Variants in ASIC2 observed in about 807,000 individuals in gnomAD.
ASIC2 encodes the protein acid sensing ion channel subunit 2.
ASIC2 carries 25 observed loss-of-function variants against 57.3 expected under a neutral mutation model. That is an observed-to-expected ratio of 0.44 (90% CI 0.32 to 0.61). ASIC2 has a LOEUF of 0.61. ASIC2 is among the 20% of genes least tolerant of loss of function. ASIC2 has a pLI of 0.06. For missense variants in ASIC2, 641 were observed against 738.1 expected (o/e 0.87, Z 1.52); for synonymous variants, 319 against 307.5 (o/e 1.04, Z -0.39).
chr17:33,096,223 C>G (rs1419521002), intron 2 of ASIC2, among the ~76,000 whole-genome samples: 1 of 152,168 alleles, frequency 6.6e-6, no homozygotes, highest in Non-Finnish European at 1.5e-5. Context: ...TTCATAGAAG[C>G]AGAAAGGAAC....
At chr17:34,125,267 C>A (rs1396844100) in intron 1 of ASIC2, among the ~76,000 whole-genome samples, 1 of 151,998 alleles carries the variant, frequency 6.6e-6, no homozygotes, top group Non-Finnish European at 1.5e-5. Context: ...TTAGTTTATC[C>A]CAGGCACCCA....
chr17:34,077,236 G>C (rs1909702404), intron 1 of ASIC2, among the ~76,000 whole-genome samples: 1 of 152,152 alleles, frequency 6.6e-6, no homozygotes, highest in Non-Finnish European at 1.5e-5. Context: ...ACTGTGTGTA[G>C]CTGTGCTTTC....
chr17:34,017,528 G>A (rs1357714849), intron 1 of ASIC2, among the ~76,000 whole-genome samples: 1 of 152,240 alleles, frequency 6.6e-6, no homozygotes, highest in Non-Finnish European at 1.5e-5. Flanking sequence ...AGGAAGGCAT[G>A]CTGAAAGCCA....
chr17:33,118,714 T>A (rs1403421777), intron 1 of ASIC2, among the ~76,000 whole-genome samples: 1 of 152,190 alleles, frequency 6.6e-6, no homozygotes, highest in Non-Finnish European at 1.5e-5. Flanking sequence ...AAATGACTTG[T>A]CCCAGGTCAC....
intron 1 of ASIC2, among the ~76,000 whole-genome samples, chr17:33,259,636 A>G (rs114231552): frequency 1.1e-3 from 160 of 152,294 alleles, no homozygotes; most frequent in African/African-American, 3.8e-3. Flanking sequence ...AGAGAGTGAC[A>G]GCCTGAAGAC....
chr17:33,380,265 A>AAG lies in ASIC2; in HGVS notation c.556-268199_556-268198insCT, dbSNP rs1555603557. On this transcript the variant is annotated intron_variant, in intron 1 of 9. Coordinates refer to the ASIC2 transcript ENST00000359872. Reference sequence around the variant, plus strand: ...TGTCTCAAAAAAAAAAAAAAAAAAAAAAAGAAAGAAAGAAAGAAAGAAAAA... The same window carrying AAG: ...TGTCTCAAAAAAAAAAAAAAAAAAAAAGAAAGAAAGAAAGAAAGAAAGAAAAA... Among the ~76,000 whole-genome samples, 111 of 130,188 alleles carry AAG rather than the reference A, an allele frequency of 8.5e-4. 1 individual carries two copies. The highest frequency in any genetic ancestry group is 3.1e-3 in the African/African-American group (90 of 28,752). The allele number at this position is 130,188 out of a possible 152,430, so 85.4% of individuals were successfully genotyped here.
intron 1 of ASIC2, among the ~76,000 whole-genome samples, chr17:33,911,838 G>A (rs996705576): frequency 2.6e-5 from 4 of 152,048 alleles, no homozygotes; most frequent in Admixed American, 6.6e-5. Context: ...GCAGTGGATC[G>A]GCTGGGCACG....
At chr17:33,263,896 G>A (rs1042177377) in intron 1 of ASIC2, among the ~76,000 whole-genome samples, 1 of 152,198 alleles carries the variant, frequency 6.6e-6, no homozygotes, top group Non-Finnish European at 1.5e-5. Flanking sequence ...TACCGGCTAA[G>A]TATCAATAGG....
At chr17:33,705,271 T>G (rs1309063275) in intron 1 of ASIC2, among the ~76,000 whole-genome samples, 2 of 152,228 alleles carry the variant, frequency 1.3e-5, no homozygotes, top group African/African-American at 4.8e-5. Context: ...CAGTAAAAAA[T>G]TGGTACATAT....
chr17:33,753,341 G>A (rs1256626625), intron 1 of ASIC2, among the ~76,000 whole-genome samples: 4 of 152,098 alleles, frequency 2.6e-5, no homozygotes, highest in African/African-American at 9.7e-5. Flanking sequence ...TTGGGGGTGG[G>A]AGTCTTTTTG....
At chr17:33,481,530 G>A (rs928741575) in intron 1 of ASIC2, among the ~76,000 whole-genome samples, 1 of 148,506 alleles carries the variant, frequency 6.7e-6, no homozygotes, top group Non-Finnish European at 1.5e-5. Context: ...ACAAGAAAGA[G>A]TCCACAAATC....
chr17:33,112,189 C>G, intron 1 of ASIC2, 122 bp from the exon 2 acceptor site: 1 of 1,222,494 alleles, frequency 8.2e-7, no homozygotes, highest in Non-Finnish European at 1.1e-6. Flanking sequence ...ATCACCATCA[C>G]CGCTCTCAGG....
chr17:33,506,452 A>G (rs1914266184), intron 1 of ASIC2, among the ~76,000 whole-genome samples: 1 of 151,424 alleles, frequency 6.6e-6, no homozygotes, highest in Non-Finnish European at 1.5e-5. Context: ...CTAAGTCATT[A>G]GGGTGTGTGA....
At chr17:33,066,027 C>G (rs376209672) in intron 3 of ASIC2, among the ~76,000 whole-genome samples, 4 of 152,212 alleles carry the variant, frequency 2.6e-5, no homozygotes, top group African/African-American at 9.6e-5. Flanking sequence ...CAGAAAGGCT[C>G]TCTTTGACCA....
chr17:33,478,815 T>A (rs1340944181), intron 1 of ASIC2, among the ~76,000 whole-genome samples: 1 of 152,176 alleles, frequency 6.6e-6, no homozygotes, highest in African/African-American at 2.4e-5. Context: ...ATTAAAATCT[T>A]TGTTTTTACT....
rs569375904 is a variant in ASIC2, at chr17:34,021,625, C to G, written c.555+134353G>C. On this transcript the variant is annotated intron_variant, in intron 1 of 9. Transcript: ENST00000359872. ...CTGCTATTTCTGTCATCTCTCTCCC[C>G]CTTCCTCTAAACATGGATCAGATCC... Among the ~76,000 whole-genome samples, 7 of 152,244 alleles carry G rather than the reference C, an allele frequency of 4.6e-5. 1 individual carries two copies. Among genetic ancestry groups the G allele is most frequent in the South Asian group, 4.2e-4 (2 of 4,816 alleles).
In ASIC2 at chr17:34,022,200, C is replaced by T. The variant is rs146791795; in HGVS notation, c.555+133778G>A. ...GCTTTATTACTAAGACTCCTCTCTA[C>T]CTCTGGTCAGTTTCTGCTGTGCCTA... On this transcript the variant is annotated intron_variant, in intron 1 of 9. Coordinates refer to the ASIC2 transcript ENST00000359872. 3.4e-3 allele frequency among the ~76,000 whole-genome samples: 517 copies of T among 152,274 alleles called. 2 individuals are homozygous for T. The highest frequency in any genetic ancestry group is 0.011 in the African/African-American group (469 of 41,554).
Position 33,263,079 on chromosome 17 carries a change from C to T in ASIC2, c.708+28329G>A, listed in dbSNP as rs965664708. Among the ~76,000 whole-genome samples, 3 of 152,210 alleles carry T rather than the reference C, an allele frequency of 2.0e-5. No homozygotes were observed. In the East Asian group the frequency reaches 5.8e-4, roughly 29 times the overall value. ...CTTCATTCATTAACTGGACTGTGAGCTCCCTGAGGGAAGGGCATCTGTTTG... is the reference window on the plus strand; with the variant it reads ...CTTCATTCATTAACTGGACTGTGAGTTCCCTGAGGGAAGGGCATCTGTTTG... On this transcript the variant is annotated intron_variant, in intron 1 of 9. Coordinates refer to ENST00000225823, the MANE Select transcript of ASIC2 (RefSeq NM_183377.2).
chr17:33,519,535 A>G (rs1914679377), intron 1 of ASIC2, among the ~76,000 whole-genome samples: 1 of 152,146 alleles, frequency 6.6e-6, no homozygotes, highest in Non-Finnish European at 1.5e-5. Context: ...TTCCAGGTTC[A>G]TGGGATCAGA....
Sources: gnomAD v4.1 joint callset for allele counts (sites outside exome capture counted in the v4.1 genomes callset) on GRCh38, gnomAD v4.1.1 for gene constraint, MANE v1.5 for transcripts, NCBI Gene and HGNC (gene_info 2026-07-23, HGNC 2026-07-21) for gene names.